ZNF680: variants seen among roughly 807,000 people sequenced by gnomAD.
The protein encoded by ZNF680 is zinc finger protein 680, also known as hypothetical protein FLJ90430.
Under a neutral mutation model 12.1 loss-of-function variants are expected in ZNF680, and 6 were observed. The ratio of observed to expected loss-of-function variants is 0.49; its 90% CI spans 0.27 to 0.98. The LOEUF (loss-of-function observed/expected upper bound fraction) is 0.98. Among genes scored for constraint, ZNF680 ranks in the 50% least tolerant of loss-of-function variants. The pLI, the probability that ZNF680 is intolerant of heterozygous loss-of-function variation, is 0.12. For synonymous variants in ZNF680, 170 were observed against 199.3 expected, an observed-to-expected ratio of 0.85 and a Z score of 1.24; for missense variants, 561 against 616.3, an observed-to-expected ratio of 0.91 and a Z score of 0.95.
intron 1 of ZNF680, among the ~76,000 whole-genome samples, chr7:64,557,449 G>GGAGGCT (rs1453230154): frequency 6.6e-6 from 1 of 151,842 alleles, no homozygotes. Flanking sequence ...CAGCTACTCA[G>GGAGGCT]GAGGCTGAGG....
At chr7:64,516,675 A>T (rs560336827), downstream of ZNF680, among the ~76,000 whole-genome samples, 248 of 152,296 alleles carry the variant, frequency 1.6e-3, no homozygotes, top group African/African-American at 5.5e-3. Flanking sequence ...GCATTTTATT[A>T]ATCAGGACGT....
intron 1 of ZNF680, among the ~76,000 whole-genome samples, chr7:64,552,760 T>TAGTC (rs1482530985): frequency 1.3e-5 from 2 of 152,228 alleles, no homozygotes. Context: ...AATATTAAAA[T>TAGTC]GACTAACGGT....
intron 3 of ZNF680, among the ~76,000 whole-genome samples, chr7:64,542,888 G>A (rs1221082840): frequency 6.6e-6 from 1 of 151,950 alleles, no homozygotes; most frequent in East Asian, 1.9e-4. Flanking sequence ...TAGTTGAGAT[G>A]GGATTTCACC....
the ZNF680 span, among the ~76,000 whole-genome samples, chr7:64,510,560 TG>T: frequency 1.3e-5 from 2 of 152,050 alleles, no homozygotes; most frequent in Non-Finnish European, 2.9e-5. Flanking sequence ...GTGCCCCAAC[TG>T]AGGGGGTCTT....
intron 3 of ZNF680, among the ~76,000 whole-genome samples, chr7:64,543,206 A>AAGAACAAAG (rs1786598867): frequency 6.6e-6 from 1 of 152,188 alleles, no homozygotes. Context: ...CTGGAGGAAA[A>AAGAACAAAG]AGAACAAAGA....
At chr7:64,513,944 A>C in the ZNF680 span, among the ~76,000 whole-genome samples, 5 of 152,146 alleles carry the variant, frequency 3.3e-5, no homozygotes, top group Non-Finnish European at 7.4e-5. Flanking sequence ...ACACCTGGCC[A>C]ATCAAAATTT....
At chr7:64,516,146 C>G (rs1433667206), downstream of ZNF680, among the ~76,000 whole-genome samples, 2 of 152,220 alleles carry the variant, frequency 1.3e-5, no homozygotes, top group Non-Finnish European at 2.9e-5. Context: ...AGAAACCCCT[C>G]TCTGCTAGCA....
chr7:64,525,964 T>A, intron 3 of ZNF680: 13 of 985,220 alleles, frequency 1.3e-5, no homozygotes, highest in Non-Finnish European at 1.6e-5. Flanking sequence ...GGCTGATTCA[T>A]ATTTGACTTT....
In ZNF680 at chr7:64,522,428, A is replaced by G. The variant is rs2116364754; in HGVS notation, c.326T>C (p.Leu109Pro). The G allele has an allele frequency of 6.2e-7, 1 of 1,604,052 alleles. No individual in the cohort carries two copies. Among genetic ancestry groups the G allele is most frequent in the Non-Finnish European group, 8.5e-7 (1 of 1,176,424 alleles). Residue 109 changes from leucine (L) to proline (P), a missense_variant, in exon 4 of 4, where the codon CTG (leucine) becomes CCG (proline). By Grantham distance (98) the Leu-to-Pro change is moderately conservative. Coordinates refer to ENST00000309683, the MANE Select transcript of ZNF680 (RefSeq NM_178558.5). ...SIKDSFQKVI[L>P]RGYGKCGHEN... ...ATGTCCACATTTTCCATATCCTCTCAGTATCACTTTTTGAAAAGAATCTTT... is the reference window on the plus strand; with the variant it reads ...ATGTCCACATTTTCCATATCCTCTCGGTATCACTTTTTGAAAAGAATCTTT...
At chr7:64,531,812 T>C (rs905864207) in intron 3 of ZNF680, among the ~76,000 whole-genome samples, 16 of 152,068 alleles carry the variant, frequency 1.1e-4, no homozygotes, top group Non-Finnish European at 2.2e-4. Flanking sequence ...GGAAAGTTCA[T>C]AGCCCTAAAT....
the ZNF680 span, among the ~76,000 whole-genome samples, chr7:64,502,493 G>T: frequency 6.6e-6 from 1 of 152,166 alleles, no homozygotes; most frequent in Non-Finnish European, 1.5e-5. Flanking sequence ...GGTGTGATTT[G>T]TGGGGCAGTT....
At chr7:64,546,436 T>C (rs890181069) in intron 1 of ZNF680, among the ~76,000 whole-genome samples, 1 of 152,070 alleles carries the variant, frequency 6.6e-6, no homozygotes, top group East Asian at 1.9e-4. Flanking sequence ...AGACGCTCCA[T>C]GAAGATAAAA....
At chr7:64,504,243 G>A in the ZNF680 span, among the ~76,000 whole-genome samples, 6 of 151,996 alleles carry the variant, frequency 3.9e-5, no homozygotes, top group East Asian at 5.8e-4. Flanking sequence ...GCCTTCTTCC[G>A]TTTATATCAG....
the ZNF680 span, among the ~76,000 whole-genome samples, chr7:64,504,384 T>A: frequency 1.3e-5 from 2 of 152,234 alleles, no homozygotes; most frequent in African/African-American, 4.8e-5. Flanking sequence ...ACTGGTTTTC[T>A]ATTTTTCCCT....
the ZNF680 span, among the ~76,000 whole-genome samples, chr7:64,514,396 GTGC>G: frequency 0.23 from 34,220 of 151,940 alleles, 4,015 homozygotes; most frequent in South Asian, 0.28. Flanking sequence ...TTTGTCAATT[GTGC>G]TGCTAACTGT....
intron 1 of ZNF680, among the ~76,000 whole-genome samples, chr7:64,548,673 C>A (rs1468571590): frequency 6.6e-6 from 1 of 152,050 alleles, no homozygotes; most frequent in African/African-American, 2.4e-5. Context: ...GAGACAGAAG[C>A]ATAATTAACC....
At chr7:64,529,596 A>C (rs980869746) in intron 3 of ZNF680, among the ~76,000 whole-genome samples, 1 of 152,154 alleles carries the variant, frequency 6.6e-6, no homozygotes, top group Non-Finnish European at 1.5e-5. Flanking sequence ...CAACAAAGAC[A>C]AAGAAAAAAT....
At chr7:64,516,216 T>C (rs567565666), downstream of ZNF680, among the ~76,000 whole-genome samples, 63 of 152,346 alleles carry the variant, frequency 4.1e-4, no homozygotes, top group Non-Finnish European at 6.8e-4. Context: ...GTGTTCGTAC[T>C]TTTTAATTTT....
chr7:64,532,590 G>C (rs1436644631), intron 3 of ZNF680, among the ~76,000 whole-genome samples: 1 of 152,066 alleles, frequency 6.6e-6, no homozygotes, highest in African/African-American at 2.4e-5. Flanking sequence ...AATTCTACCA[G>C]ACACTCAAAG....
Sources: gnomAD v4.1 joint callset for allele counts (sites outside exome capture counted in the v4.1 genomes callset) on GRCh38, gnomAD v4.1.1 for gene constraint, MANE v1.5 for transcripts, NCBI Gene and HGNC (gene_info 2026-07-23, HGNC 2026-07-21) for gene names.